Variants in PMM2 observed in about 807,000 individuals in gnomAD.
PMM2 encodes the protein mannose-6-phosphate isomerase.
PMM2 carries 35 observed loss-of-function variants against 33.2 expected under a neutral mutation model. The ratio of observed to expected loss-of-function variants is 1.06; its 90% CI spans 0.81 to 1.40. The LOEUF is 1.40. Ranked by LOEUF, PMM2 falls within the 40% of genes most tolerant of loss-of-function variation. The probability of loss-of-function intolerance (pLI) is 0.00; values close to 1 mark genes in which losing one functional copy is unlikely to be tolerated. For synonymous variants in PMM2, 153 were observed against 114.7 expected (o/e 1.33, Z -2.13); for missense variants, 386 against 306.0 (o/e 1.26, Z -1.95).
chr16:8,843,883 G>A (rs191676204), intron 7 of PMM2, among the ~76,000 whole-genome samples: 6,855 of 152,192 alleles, frequency 0.045, 228 homozygotes, highest in Middle Eastern at 0.13. Flanking sequence ...GGAGAGGTCA[G>A]ATGGGTCTGT....
At chr16:8,799,096 T>A (rs1197175924) in intron 1 of PMM2, among the ~76,000 whole-genome samples, 1 of 152,160 alleles carries the variant, frequency 6.6e-6, no homozygotes, top group Admixed American at 6.6e-5. Context: ...AGCAAATACT[T>A]CTCTGTCTTT....
At chr16:8,842,067 A>G (rs1342082491) in intron 7 of PMM2, 2 of 150,158 alleles carry the variant, frequency 1.3e-5, no homozygotes, top group Non-Finnish European at 3.0e-5. Context: ...TTGGACAGAA[A>G]GGCTACAGGG....
chr16:8,835,938 TAGC>T (rs1192110364), intron 7 of PMM2, among the ~76,000 whole-genome samples: 5 of 151,300 alleles, frequency 3.3e-5, no homozygotes, highest in Admixed American at 1.3e-4. Context: ...CAATGAGATG[TAGC>T]TGTAGTTCAG....
Position 8,848,616 on chromosome 16 carries a change from G to C in PMM2, c.*791G>C, listed in dbSNP as rs2437722. 140,949 of 152,370 alleles carry C rather than the reference G, an allele frequency of 0.93. 65,425 individuals carry two copies. Among genetic ancestry groups the C allele is most frequent in the East Asian group, 0.97 (5,027 of 5,172 alleles). The allele number at this position is 152,370 out of a possible 1,614,324, so 9.4% of individuals were successfully genotyped here. A position where few individuals can be genotyped will look rare whatever the true frequency, so the allele number is the denominator to read the frequency against. ...AGTTGGTGCTGGCAAAACAGTCCTT[G>C]CCCTGGGGCCGGTTCTTACCCAGGT... On this transcript the variant is annotated 3_prime_UTR_variant, in exon 8 of 8. Coordinates refer to ENST00000268261, the MANE Select transcript of PMM2 (RefSeq NM_000303.3).
At chr16:8,838,974 A>C (rs973464186) in intron 7 of PMM2, among the ~76,000 whole-genome samples, 6 of 152,024 alleles carry the variant, frequency 3.9e-5, no homozygotes, top group Non-Finnish European at 8.8e-5. Context: ...CTAAAGAGTC[A>C]ACTTGGGCCT....
chr16:8,814,691 G>T (rs1423945112), intron 7 of PMM2, among the ~76,000 whole-genome samples: 2 of 152,180 alleles, frequency 1.3e-5, no homozygotes, highest in Non-Finnish European at 2.9e-5. Flanking sequence ...CCTGTTCTTT[G>T]TATGTTTTAA....
chr16:8,841,621 A>G (rs1401518664), intron 7 of PMM2, among the ~76,000 whole-genome samples: 12 of 147,436 alleles, frequency 8.1e-5, no homozygotes, highest in African/African-American at 3.0e-4. Context: ...GGCTTGTACT[A>G]TAGCATAGCC....
chr16:8,802,862 G>A (rs1596484720), intron 2 of PMM2, among the ~76,000 whole-genome samples: 1 of 151,738 alleles, frequency 6.6e-6, no homozygotes, highest in South Asian at 2.1e-4. Context: ...GTGGAGAGGT[G>A]GATGAATTGA....
chr16:8,803,449 A>T (rs1262634917), intron 2 of PMM2, among the ~76,000 whole-genome samples: 1 of 152,228 alleles, frequency 6.6e-6, no homozygotes, highest in African/African-American at 2.4e-5. Flanking sequence ...TGTCAGAGAC[A>T]TGCAACAATA....
intron 7 of PMM2, among the ~76,000 whole-genome samples, chr16:8,827,971 A>G (rs1408838574): frequency 7.8e-6 from 1 of 128,270 alleles, no homozygotes; most frequent in Admixed American, 8.7e-5. Flanking sequence ...ATTTATATAT[A>G]TATATAAAAC....
intron 7 of PMM2, among the ~76,000 whole-genome samples, chr16:8,826,819 A>G (rs1022339440): frequency 1.3e-5 from 2 of 151,968 alleles, no homozygotes; most frequent in East Asian, 3.9e-4. Flanking sequence ...CATTTTACAA[A>G]TCTTGTCACG....
chr16:8,847,613 C>A, intron 7 of PMM2, 111 bp from the exon 8 acceptor site: 3 of 780,334 alleles, frequency 3.8e-6, no homozygotes, highest in Non-Finnish European at 4.6e-6. Context: ...AAGAAACTCT[C>A]CCTGCCCAGT....
chr16:8,841,380 C>A (rs1293266110), intron 7 of PMM2, among the ~76,000 whole-genome samples: 1 of 150,818 alleles, frequency 6.6e-6, no homozygotes, highest in African/African-American at 2.4e-5. Context: ...GTGAAAGTGT[C>A]TACTTAGACT....
chr16:8,807,818 C>T (rs548613634), intron 4 of PMM2: 1 of 152,252 alleles, frequency 6.6e-6, no homozygotes, highest in Admixed American at 6.5e-5. Context: ...GGTTTGGGGA[C>T]CTACCTTCTG....
intron 7 of PMM2, among the ~76,000 whole-genome samples, chr16:8,847,423 T>C (rs115193538): frequency 2.3e-3 from 348 of 148,094 alleles, no homozygotes; most frequent in African/African-American, 8.1e-3. Flanking sequence ...TGTCACTCGC[T>C]GATGCCTTCT....
At chr16:8,810,987 T>A (rs1195805510) in intron 4 of PMM2, 92 bp from the exon 5 acceptor site, 13 of 787,184 alleles carry the variant, frequency 1.7e-5, no homozygotes, top group South Asian at 1.3e-4. Flanking sequence ...GCCTCTGCTT[T>A]TTAGAATTTC....
At position 8,847,762 on chromosome 16, in the gene PMM2, C is replaced by G. The variant is rs1480238805; in HGVS notation, c.678C>G (p.Thr226=). The G allele has an allele frequency of 6.2e-7, 1 of 1,614,070 alleles. No homozygotes were observed. Among genetic ancestry groups the G allele is most frequent in the African/African-American group, 1.3e-5 (1 of 75,054 alleles). The change falls in exon 8 of 8, where the codon ACC becomes ACG. Residue 226 remains threonine (T), a synonymous_variant. Coordinates refer to ENST00000268261, the MANE Select transcript of PMM2 (RefSeq NM_000303.3). ...NDHEIFTDPR[T]MGYSVTAPED... ...ATGAGATCTTCACAGACCCCAGAAC[C>G]ATGGGCTACTCCGTGACAGCGCCTG...
chr16:8,847,770 A>G lies in PMM2; in HGVS notation c.686A>G (p.Tyr229Cys). ...EIFTDPRTMG[Y>C]SVTAPEDTRR... ...TTCACAGACCCCAGAACCATGGGCT[A>G]CTCCGTGACAGCGCCTGAGGACACG... The change falls in exon 8 of 8, where the codon TAC (tyrosine) becomes TGC (cysteine). Residue 229 changes from tyrosine to cysteine, a missense_variant. Physicochemically the swap from Tyr to Cys is radical, Grantham distance 194. Coordinates refer to ENST00000268261, the MANE Select transcript of PMM2 (RefSeq NM_000303.3). The G allele has an allele frequency of 2.5e-6, 4 of 1,613,892 alleles. No homozygotes were observed. The highest frequency in any genetic ancestry group is 3.4e-6 in the Non-Finnish European group (4 of 1,179,956).
chr16:8,842,817 C>T (rs62033502), intron 7 of PMM2, among the ~76,000 whole-genome samples: 3 of 152,136 alleles, frequency 2.0e-5, no homozygotes, highest in East Asian at 1.9e-4. Context: ...CCTTTTAAAG[C>T]GTGCTGTGGG....
Sources: allele counts gnomAD v4.1 joint callset (sites outside exome capture counted in the v4.1 genomes callset), GRCh38; gene constraint gnomAD v4.1.1; transcripts MANE v1.5; gene names NCBI Gene and HGNC (gene_info 2026-07-23, HGNC 2026-07-21).